Variants in TRPM3 observed in about 807,000 individuals in gnomAD.
TRPM3 encodes the protein long transient receptor potential channel 3.
TRPM3 carries 77 observed loss-of-function variants against 181.2 expected under a neutral mutation model. The ratio of observed to expected loss-of-function variants is 0.42; its 90% CI spans 0.35 to 0.51. TRPM3 has a LOEUF of 0.51. Ranked by LOEUF, TRPM3 falls within the 20% of genes least tolerant of loss-of-function variation. TRPM3 has a pLI of 0.01. For missense variants in TRPM3, 1,759 were observed against 2,196.7 expected, an observed-to-expected ratio of 0.80 and a Z score of 3.98; for synonymous variants, 745 against 796.4, an observed-to-expected ratio of 0.94 and a Z score of 1.09.
rs1040319010 is a variant in TRPM3, at chr9:71,021,275, T to C, written c.177+99903A>G. Among the ~76,000 whole-genome samples, 13 of 152,336 alleles carry C rather than the reference T, an allele frequency of 8.5e-5. 1 individual carries two copies. The highest frequency in any genetic ancestry group is 3.1e-4 in the African/African-American group (13 of 41,586). On this transcript the variant is annotated intron_variant, in intron 1 of 25. Transcript: ENST00000677713. ...TATGAGATTTTGGGAGGTGCTGGTA[T>C]TGTTTTATTTATGGTGAAAACTTAT...
intron 1 of TRPM3, among the ~76,000 whole-genome samples, chr9:71,209,506 T>C (rs1310421439): frequency 1.3e-5 from 2 of 152,184 alleles, no homozygotes; most frequent in Non-Finnish European, 2.9e-5. Flanking sequence ...ATACCAGGTA[T>C]TGGAGCCCAT....
chr9:71,269,831 G>A lies in TRPM3; in HGVS notation c.183+176822C>T, dbSNP rs939928787. On this transcript the variant is annotated intron_variant, in intron 1 of 24. Coordinates refer to the TRPM3 transcript ENST00000357533. ...CCTCTTTCATGATGGCAGAATAGGAGGTCAGAACTAATTCAGAGATGCTCA... is the reference window on the plus strand; with the variant it reads ...CCTCTTTCATGATGGCAGAATAGGAAGTCAGAACTAATTCAGAGATGCTCA... Among the ~76,000 whole-genome samples the A allele has an allele frequency of 2.0e-5, 3 of 152,070 alleles. No individual in the cohort carries two copies. The East Asian group carries it at 5.8e-4, about 29-fold the overall frequency.
rs1038448937 is a variant in TRPM3, at chr9:70,625,073, G to C, written c.1809+118C>G. The C allele has an allele frequency of 1.8e-6, 2 of 1,116,776 alleles. No homozygotes were observed. Among genetic ancestry groups the C allele is most frequent in the Non-Finnish European group, 2.5e-6 (2 of 803,002 alleles). The allele number at this position is 1,116,776 out of a possible 1,614,324, so 69.2% of individuals were successfully genotyped here. On this transcript the variant is annotated intron_variant, in intron 14 of 25. Transcript: ENST00000677713. The surrounding 1 kb of genome is among the most constrained non-coding windows in gnomAD (Gnocchi z 4.8). ...TCATTACTTTTCTTTGATTGTTTAG[G>C]TTCACTCTCAGCGCAATTTTCTGAT...
intron 3 of TRPM3, among the ~76,000 whole-genome samples, chr9:70,861,102 A>T (rs115620229): frequency 0.065 from 9,909 of 152,244 alleles, 429 homozygotes; most frequent in Middle Eastern, 0.13. Flanking sequence ...ACGGTAAAAA[A>T]CTTTATCTTC....
intron 1 of TRPM3, among the ~76,000 whole-genome samples, chr9:71,108,981 C>T (rs2070401845): frequency 1.3e-5 from 2 of 152,144 alleles, no homozygotes; most frequent in African/African-American, 4.8e-5. Context: ...GATTACTCTC[C>T]ATTATGTGGG....
intron 1 of TRPM3, among the ~76,000 whole-genome samples, chr9:70,920,703 A>T (rs2096645235): frequency 6.6e-6 from 1 of 152,222 alleles, no homozygotes; most frequent in Non-Finnish European, 1.5e-5. Flanking sequence ...AAAAGGAAAT[A>T]TTAAAACTCA....
At chr9:70,984,231 A>G (rs1260828899) in intron 1 of TRPM3, among the ~76,000 whole-genome samples, 2 of 152,230 alleles carry the variant, frequency 1.3e-5, no homozygotes, top group East Asian at 3.8e-4. Flanking sequence ...ATTGCCTGCT[A>G]CATAACAGCC....
At chr9:71,366,676 G>A (rs760500662) in intron 1 of TRPM3, among the ~76,000 whole-genome samples, 5 of 152,136 alleles carry the variant, frequency 3.3e-5, no homozygotes, top group Non-Finnish European at 5.9e-5. Context: ...CTCATGGGAA[G>A]AGCTTCTGTT....
At chr9:71,367,991 T>C (rs1172695522) in intron 1 of TRPM3, among the ~76,000 whole-genome samples, 1 of 113,168 alleles carries the variant, frequency 8.8e-6, no homozygotes, top group East Asian at 3.0e-4. Context: ...CACATATATG[T>C]GCACACACAC....
At chr9:71,284,361 G>C (rs996334905) in intron 1 of TRPM3, among the ~76,000 whole-genome samples, 1 of 152,126 alleles carries the variant, frequency 6.6e-6, no homozygotes, top group Non-Finnish European at 1.5e-5. Flanking sequence ...TCAATATTGG[G>C]AGAGATCAAG....
At chr9:71,347,518 T>C (rs2091365378) in intron 1 of TRPM3, among the ~76,000 whole-genome samples, 1 of 152,214 alleles carries the variant, frequency 6.6e-6, no homozygotes, top group Admixed American at 6.5e-5. Context: ...AGCTTTTACA[T>C]GGATACTGTG....
chr9:70,544,526 T>G (rs2044344600), intron 25 of TRPM3, among the ~76,000 whole-genome samples: 2 of 152,070 alleles, frequency 1.3e-5, no homozygotes, highest in Admixed American at 1.3e-4. Flanking sequence ...GGTAGAGCAA[T>G]GAGCTGATGT....
intron 9 of TRPM3, among the ~76,000 whole-genome samples, chr9:70,644,014 GGAGAA>G (rs1302339908): frequency 6.6e-5 from 10 of 152,172 alleles, no homozygotes; most frequent in African/African-American, 4.8e-5. Context: ...ACAGTCTAGA[GGAGAA>G]GAGAAGTCTG....
intron 1 of TRPM3, among the ~76,000 whole-genome samples, chr9:71,267,581 T>A (rs2083475491): frequency 6.6e-6 from 1 of 150,774 alleles, no homozygotes; most frequent in Non-Finnish European, 1.5e-5. Flanking sequence ...CTTATCTCTG[T>A]CACTCCTCAC....
chr9:70,623,389 G>T (rs529850246), intron 14 of TRPM3, among the ~76,000 whole-genome samples: 20 of 150,574 alleles, frequency 1.3e-4, no homozygotes, highest in Admixed American at 6.0e-4. Context: ...AAAAAATCAT[G>T]CCCACTACCA....
At chr9:70,821,845 T>C (rs2093197903) in intron 6 of TRPM3, among the ~76,000 whole-genome samples, 1 of 152,214 alleles carries the variant, frequency 6.6e-6, no homozygotes, top group African/African-American at 2.4e-5. Context: ...AAATCCCAGA[T>C]TGATGCCTAT....
chr9:70,989,873 G>T (rs1480990973), intron 1 of TRPM3, among the ~76,000 whole-genome samples: 1 of 152,106 alleles, frequency 6.6e-6, no homozygotes, highest in African/African-American at 2.4e-5. Flanking sequence ...TCCACAGAAA[G>T]CATGTGATCA....
In TRPM3 at chr9:71,012,356, CCTGT is replaced by C. The variant is rs947148623; in HGVS notation, c.177+108818_177+108821del. ...TTTTTTTATTTCATTCTTTGGTTCA[CCTGT>C]CTGTGTGCCAGTTCTGCACTGTTTC... On this transcript the variant is annotated intron_variant, in intron 1 of 25. Transcript: ENST00000677713. Among the ~76,000 whole-genome samples, 16 of 150,604 alleles carry C rather than the reference CCTGT, an allele frequency of 1.1e-4. No homozygotes were observed. In the East Asian group the frequency reaches 1.6e-3, roughly 15 times the overall value.
intron 1 of TRPM3, among the ~76,000 whole-genome samples, chr9:70,940,050 G>A (rs2096870523): frequency 6.6e-6 from 1 of 152,180 alleles, no homozygotes; most frequent in Non-Finnish European, 1.5e-5. Context: ...ACCTTGTAGT[G>A]AGCTTAGGGT....
Sources: gnomAD v4.1 joint callset for allele counts (sites outside exome capture counted in the v4.1 genomes callset) on GRCh38, gnomAD v4.1.1 for gene constraint, Gnocchi (gnomAD v3.1) non-coding constraint, MANE v1.5 for transcripts, NCBI Gene and HGNC (gene_info 2026-07-23, HGNC 2026-07-21) for gene names.